MCC: variants seen among roughly 807,000 people sequenced by gnomAD.
MCC encodes the protein colorectal mutant cancer protein.
A neutral mutation model predicts 116.2 loss-of-function variants in MCC; 90 were observed. The observed-to-expected ratio is 0.77, with a 90% CI of 0.65 to 0.92. MCC has a LOEUF of 0.92. Among genes scored for constraint, MCC ranks in the 40% least tolerant of loss-of-function variants. MCC has a pLI of 0.00. For synonymous variants in MCC, 578 were observed against 510.5 expected (o/e 1.13, Z -1.78); for missense variants, 1,516 against 1,312.2 (o/e 1.16, Z -2.40).
chr5:113,216,136 T>G (rs1763306450), intron 3 of MCC, among the ~76,000 whole-genome samples: 1 of 152,218 alleles, frequency 6.6e-6, no homozygotes, highest in Admixed American at 6.5e-5. Context: ...CTATGGTTGC[T>G]TTTGCTGCAA....
At chr5:113,130,244 C>G (rs1282520426) in intron 5 of MCC, among the ~76,000 whole-genome samples, 1 of 152,090 alleles carries the variant, frequency 6.6e-6, no homozygotes, top group African/African-American at 2.4e-5. Context: ...GAACAGAAAA[C>G]CAAGCACCAC....
chr5:113,306,384 T>A (rs1338565366), intron 3 of MCC, among the ~76,000 whole-genome samples: 4 of 152,212 alleles, frequency 2.6e-5, no homozygotes, highest in African/African-American at 9.6e-5. Context: ...ACTAGCCATG[T>A]ATGAGGGTTT....
At chr5:113,476,810 C>G (rs1307804198) in intron 1 of MCC, among the ~76,000 whole-genome samples, 1 of 152,028 alleles carries the variant, frequency 6.6e-6, no homozygotes, top group East Asian at 1.9e-4. Flanking sequence ...TGAAACTATT[C>G]TAAAATTGGT....
At chr5:113,081,918 T>G (rs1423434017) in intron 11 of MCC, among the ~76,000 whole-genome samples, 1 of 152,230 alleles carries the variant, frequency 6.6e-6, no homozygotes, top group Non-Finnish European at 1.5e-5. Context: ...GTATCCCTAT[T>G]TCTTCCTGGT....
Position 113,339,408 on chromosome 5 carries a change from A to AGTGTGT in MCC, c.627+1105_627+1110dup, listed in dbSNP as rs60886614. On this transcript the variant is annotated intron_variant, in intron 3 of 18. Coordinates refer to ENST00000408903, the MANE Select transcript of MCC (RefSeq NM_001085377.2). ...GTCCATATTTTATCTAGGCTTCCTTAGTGTGTGTGTGTGTGTGTGTGTGTG... is the reference window on the plus strand; with the variant it reads ...GTCCATATTTTATCTAGGCTTCCTTAGTGTGTGTGTGTGTGTGTGTGTGTGTGTGTG... Among the ~76,000 whole-genome samples the AGTGTGT allele has an allele frequency of 6.0e-3, 739 of 123,638 alleles. 5 individuals are homozygous for AGTGTGT. The highest frequency in any genetic ancestry group is 0.022 in the African/African-American group (678 of 31,534). 81.1% of individuals were successfully genotyped at this position (123,638 alleles called of 152,430 possible). A position where few individuals can be genotyped will look rare whatever the true frequency, so the allele number is the denominator to read the frequency against.
At chr5:113,435,432 C>T (rs74495187) in intron 1 of MCC, 5,634 of 152,402 alleles carry the variant, frequency 0.037, 149 homozygotes, top group Middle Eastern at 0.081. Flanking sequence ...TAGACAGGAC[C>T]ACCTTGAGAG....
In MCC at chr5:113,085,774, C is replaced by G. The variant is rs554296620; in HGVS notation, c.1399-464G>C. Among the ~76,000 whole-genome samples, 10 of 152,286 alleles carry G rather than the reference C, an allele frequency of 6.6e-5. 2 individuals carry two copies. The South Asian group carries it at 1.9e-3, about 28-fold the overall frequency. On this transcript the variant is annotated intron_variant, in intron 8 of 18. Coordinates refer to ENST00000408903, the MANE Select transcript of MCC (RefSeq NM_001085377.2). Reference sequence around the variant, plus strand: ...TGGTGCAACCATGGCTCACTGCAGCCTTAATCTCCTGGGCTCAAGGGATCC... The same window carrying G: ...TGGTGCAACCATGGCTCACTGCAGCGTTAATCTCCTGGGCTCAAGGGATCC...
At chr5:113,238,130 G>A (rs1034102829) in intron 3 of MCC, among the ~76,000 whole-genome samples, 1 of 152,166 alleles carries the variant, frequency 6.6e-6, no homozygotes, top group Non-Finnish European at 1.5e-5. Context: ...ACAGCAAAAT[G>A]CATGCAACCA....
At chr5:113,041,270 C>G (rs1249789908) in intron 17 of MCC, among the ~76,000 whole-genome samples, 1 of 152,172 alleles carries the variant, frequency 6.6e-6, no homozygotes, top group Non-Finnish European at 1.5e-5. Context: ...ATCAAGTGAG[C>G]TGACTGAAAA....
At chr5:113,184,415 T>G (rs543717010) in intron 3 of MCC, among the ~76,000 whole-genome samples, 1 of 152,100 alleles carries the variant, frequency 6.6e-6, no homozygotes, top group East Asian at 1.9e-4. Flanking sequence ...AAAACTTTAC[T>G]TTGCTGATCT....
At chr5:113,093,148 T>C (rs1001689301) in intron 8 of MCC, among the ~76,000 whole-genome samples, 1 of 152,160 alleles carries the variant, frequency 6.6e-6, no homozygotes, top group Non-Finnish European at 1.5e-5. Context: ...TCTTAGGACA[T>C]GCACAAAATG....
chr5:113,310,508 C>T (rs564446675), intron 3 of MCC, among the ~76,000 whole-genome samples: 115 of 152,344 alleles, frequency 7.5e-4, no homozygotes, highest in African/African-American at 2.6e-3. Context: ...AAGCCTATGA[C>T]ATATGAGAAA....
At chr5:113,164,312 T>A in intron 3 of MCC, among the ~76,000 whole-genome samples, 1 of 152,220 alleles carries the variant, frequency 6.6e-6, no homozygotes, top group East Asian at 1.9e-4. Context: ...TTACCTTACA[T>A]AGCAACTCTG....
At chr5:113,048,825 G>C in intron 16 of MCC, 1 of 546,152 alleles carries the variant, frequency 1.8e-6, no homozygotes, top group Non-Finnish European at 3.2e-6. Context: ...AGTATCAGTG[G>C]ACAACTGCAG....
At chr5:113,059,701 C>T (rs774607157) in intron 14 of MCC, among the ~76,000 whole-genome samples, 1 of 152,224 alleles carries the variant, frequency 6.6e-6, no homozygotes, top group African/African-American at 2.4e-5. Context: ...TTCTCCTTTC[C>T]GTGATGCTCT....
intron 3 of MCC, among the ~76,000 whole-genome samples, chr5:113,298,341 G>C (rs889523882): frequency 1.3e-5 from 2 of 152,214 alleles, no homozygotes; most frequent in Non-Finnish European, 2.9e-5. Flanking sequence ...ACAGAGGGTA[G>C]AGAAGCCTAC....
chr5:113,273,806 T>G (rs1310598088), intron 3 of MCC, among the ~76,000 whole-genome samples: 1 of 152,118 alleles, frequency 6.6e-6, no homozygotes, highest in Non-Finnish European at 1.5e-5. Context: ...CTCATCCATA[T>G]TAGACGGGAT....
In MCC at chr5:113,025,074, G is replaced by T. The variant is rs930159945; in HGVS notation, c.*2228C>A. The T allele has an allele frequency of 2.0e-5, 3 of 152,028 alleles. No individual in the cohort carries two copies. Among genetic ancestry groups the T allele is most frequent in the Non-Finnish European group, 4.4e-5 (3 of 68,024 alleles). 9.4% of individuals were successfully genotyped at this position (152,028 alleles called of 1,614,324 possible). ...TTTACCTGGAGCAAGAATGGAGACA[G>T]AAGTCAGTAGGCAGGATTTTATTCC... On this transcript the variant is annotated 3_prime_UTR_variant, in exon 19 of 19. Transcript: ENST00000408903.
intron 3 of MCC, among the ~76,000 whole-genome samples, chr5:113,303,906 C>T (rs915811034): frequency 4.6e-5 from 7 of 152,140 alleles, no homozygotes; most frequent in African/African-American, 9.7e-5. Context: ...CCACCCGCCT[C>T]GGCCTCCCAA....
Sources: gnomAD v4.1 joint callset for allele counts (sites outside exome capture counted in the v4.1 genomes callset) on GRCh38, gnomAD v4.1.1 for gene constraint, MANE v1.5 for transcripts, NCBI Gene and HGNC (gene_info 2026-07-23, HGNC 2026-07-21) for gene names.